Variants in SESN2 observed in about 807,000 individuals in gnomAD.
The protein encoded by SESN2 is sestrin 2.
SESN2 carries 42 observed loss-of-function variants against 56.0 expected under a neutral mutation model. That is an observed-to-expected ratio of 0.75 (90% CI 0.59 to 0.97). The LOEUF (loss-of-function observed/expected upper bound fraction) is 0.97. Among genes scored for constraint, SESN2 ranks in the 50% least tolerant of loss-of-function variants. SESN2 has a pLI of 0.00. For missense variants in SESN2, 507 were observed against 649.4 expected, an observed-to-expected ratio of 0.78 and a Z score of 2.38; for synonymous variants, 264 against 267.1, an observed-to-expected ratio of 0.99 and a Z score of 0.11.
chr1:28,279,016 C>T (rs1648143252), intron 8 of SESN2, 81 bp from the exon 9 acceptor site: 1 of 1,405,176 alleles, frequency 7.1e-7, no homozygotes, highest in South Asian at 1.2e-5. Flanking sequence ...TCTGTTCTTC[C>T]CTCTGTAGGG....
At position 28,274,496 on chromosome 1, in the gene SESN2, G is replaced by A. The variant is rs146328863; in HGVS notation, c.1021-329G>A. Among the ~76,000 whole-genome samples the A allele has an allele frequency of 2.2e-3, 331 of 151,996 alleles. 1 individual carries two copies. Among genetic ancestry groups the A allele is most frequent in the African/African-American group, 7.5e-3 (309 of 41,444 alleles). On this transcript the variant is annotated intron_variant, in intron 7 of 9. Coordinates refer to ENST00000253063, the MANE Select transcript of SESN2 (RefSeq NM_031459.5). ...CAGTGAGCTGTGATCGCGCTACTGC[G>A]CTCCAGCCTGGGTGACAGCAAGATC...
chr1:28,274,934 C>G lies in SESN2; in HGVS notation c.1130C>G (p.Thr377Ser). 2 of 1,614,154 alleles carry G rather than the reference C, an allele frequency of 1.2e-6. No individual in the cohort carries two copies. Among genetic ancestry groups the G allele is most frequent in the Non-Finnish European group, 1.7e-6 (2 of 1,179,978 alleles). Residue 377 changes from threonine (T) to serine (S), a missense_variant, in exon 8 of 10, where the codon ACC (threonine) becomes AGC (serine). Coordinates refer to ENST00000253063, the MANE Select transcript of SESN2 (RefSeq NM_031459.5). Reference protein sequence around the residue: ...FQAAYSLTYNTIAMHSGVDTS... With the variant: ...FQAAYSLTYNSIAMHSGVDTS... ...GCAGCCTATAGCCTCACCTACAATA[C>G]CATCGCCATGCACAGTGGTGTGGAC...
intron 8 of SESN2, among the ~76,000 whole-genome samples, chr1:28,277,147 T>A (rs986126963): frequency 6.6e-6 from 1 of 150,546 alleles, no homozygotes; most frequent in Non-Finnish European, 1.5e-5. Context: ...GACCTCATGA[T>A]CCGCCCACCT....
chr1:28,264,180 T>G (rs515102), intron 1 of SESN2, among the ~76,000 whole-genome samples: 83,224 of 151,768 alleles, frequency 0.55, 24,283 homozygotes, highest in African/African-American at 0.71. Context: ...TTAGCCGGGC[T>G]TGGTGGCGCA....
At chr1:28,268,464 G>A (rs1017066355) in intron 1 of SESN2, among the ~76,000 whole-genome samples, 2 of 152,020 alleles carry the variant, frequency 1.3e-5, no homozygotes, top group Non-Finnish European at 2.9e-5. Flanking sequence ...TTGGGGATTC[G>A]AGACCAGCCT....
intron 1 of SESN2, among the ~76,000 whole-genome samples, chr1:28,262,167 C>G (rs995769129): frequency 6.6e-6 from 1 of 152,130 alleles, no homozygotes. Flanking sequence ...CCTTAGAAGA[C>G]AGCAGGGTGC....
Position 28,272,585 on chromosome 1 carries a change from T to C in SESN2, c.542T>C (p.Leu181Ser), listed in dbSNP as rs1460410626. The change falls in exon 5 of 10, where the codon TTG (leucine) becomes TCG (serine). Residue 181 changes from leucine (L) to serine (S), a missense_variant. Coordinates refer to ENST00000253063, the MANE Select transcript of SESN2 (RefSeq NM_031459.5). ...WLITKEHIQA[L>S]LKTGEHTWSL... is the part of the protein sequence containing the mutation. ...CTCCCCCCTTGTCCCTTCCAGGCCT[T>C]GCTGAAGACCGGCGAGCACACTTGG... 1 of 1,614,046 alleles carries C rather than the reference T, an allele frequency of 6.2e-7. No individual in the cohort carries two copies.
At position 28,272,722 on chromosome 1, in the gene SESN2, G is replaced by GCC; in HGVS notation, c.684_685dup (p.Gln229ProfsTer19). ...TGAGGGGGATGCAGATGGCAGCCCT[G>GCC]CCCCCCAGGCACCTACACCCCCTAG... On this transcript the variant is annotated frameshift_variant, in exon 5 of 10. Coordinates refer to ENST00000253063, the MANE Select transcript of SESN2 (RefSeq NM_031459.5). LOFTEE classifies it high-confidence loss of function. The GCC allele has an allele frequency of 6.2e-7, 1 of 1,611,568 alleles. No homozygotes were observed. The highest frequency in any genetic ancestry group is 8.5e-7 in the Non-Finnish European group (1 of 1,177,766).
chr1:28,278,532 A>T (rs956024313), intron 8 of SESN2, among the ~76,000 whole-genome samples: 1 of 152,364 alleles, frequency 6.6e-6, no homozygotes. Context: ...ACGCCATTGC[A>T]CTCCAGCCTG....
At chr1:28,273,627 T>C in intron 6 of SESN2, 119 bp downstream of exon 6, 2 of 1,016,954 alleles carry the variant, frequency 2.0e-6, no homozygotes, top group Non-Finnish European at 2.8e-6. Context: ...GTCCAAGAGG[T>C]TCTGAGCATG....
chr1:28,278,951 T>G, intron 8 of SESN2, 146 bp from the exon 9 acceptor site: 1 of 759,432 alleles, frequency 1.3e-6, no homozygotes, highest in East Asian at 2.5e-5. Context: ...ATCAGCTGTT[T>G]CTCCAAGAGG....
chr1:28,260,063 A>T, intron 1 of SESN2, 126 bp downstream of exon 1: 1 of 657,498 alleles, frequency 1.5e-6, no homozygotes, highest in Non-Finnish European at 2.3e-6. Context: ...GTAACCCGGG[A>T]CCCGGGTTGC....
At chr1:28,276,455 G>A (rs911769009) in intron 8 of SESN2, among the ~76,000 whole-genome samples, 6 of 151,500 alleles carry the variant, frequency 4.0e-5, no homozygotes. Flanking sequence ...CTCCAGCCTG[G>A]GCCACACAGC....
chr1:28,272,541 G>T lies in SESN2; in HGVS notation c.538-40G>T, dbSNP rs574494132. On this transcript the variant is annotated intron_variant, in intron 4 of 9. Transcript: ENST00000253063. ...GGTGCCTGGTGGGTAACCCAGGGCA[G>T]GCACTGAGCAGCTCTGACCTCCCCC... 4.7e-5 allele frequency: 75 copies of T among 1,610,610 alleles called. No homozygotes were observed. The Middle Eastern group carries it at 8.3e-4, about 18-fold the overall frequency.
intron 1 of SESN2, among the ~76,000 whole-genome samples, chr1:28,266,765 C>T (rs2149036957): frequency 6.6e-6 from 1 of 152,144 alleles, no homozygotes; most frequent in Non-Finnish European, 1.5e-5. Flanking sequence ...ACTGTGTTGC[C>T]CAGGCTGGTC....
intron 8 of SESN2, among the ~76,000 whole-genome samples, chr1:28,277,479 G>T (rs1648093410): frequency 6.6e-6 from 1 of 152,196 alleles, no homozygotes; most frequent in African/African-American, 2.4e-5. Flanking sequence ...GCCTCCCAAA[G>T]TGTTGGGATT....
chr1:28,269,394 C>A, intron 2 of SESN2, 146 bp downstream of exon 2: 1 of 515,074 alleles, frequency 1.9e-6, no homozygotes, highest in Non-Finnish European at 3.4e-6. Flanking sequence ...CACAAAACGG[C>A]TTTGTGAAGC....
In SESN2 at chr1:28,272,703, G is replaced by C; in HGVS notation, c.660G>C (p.Gly220=). ...FVFGCGILPE[G]DADGSPAPQA... ...TTGGCTGTGGCATCCTCCCTGAGGG[G>C]GATGCAGATGGCAGCCCTGCCCCCC... Residue 220 remains glycine, a synonymous_variant, in exon 5 of 10, where the codon GGG becomes GGC. Coordinates refer to ENST00000253063, the MANE Select transcript of SESN2 (RefSeq NM_031459.5). The C allele has an allele frequency of 1.2e-6, 2 of 1,613,652 alleles. No homozygotes were observed. Among genetic ancestry groups the C allele is most frequent in the South Asian group, 2.2e-5 (2 of 91,060 alleles).
At chr1:28,273,637 G>A in intron 6 of SESN2, 129 bp downstream of exon 6, 1 of 901,220 alleles carries the variant, frequency 1.1e-6, no homozygotes. Context: ...TTCTGAGCAT[G>A]GGCCTTGGGC....
Sources: gnomAD v4.1 joint callset for allele counts (sites outside exome capture counted in the v4.1 genomes callset) on GRCh38, gnomAD v4.1.1 for gene constraint, MANE v1.5 for transcripts, NCBI Gene and HGNC (gene_info 2026-07-23, HGNC 2026-07-21) for gene names.